The following TTC34 variants were observed in gnomAD, a reference collection of about 807,000 sequenced individuals.
TTC34 encodes the protein tetratricopeptide repeat protein 34.
Under a neutral mutation model 40.7 loss-of-function variants are expected in TTC34, and 44 were observed. The observed-to-expected ratio is 1.08, with a 90% CI of 0.85 to 1.39. TTC34 has a LOEUF of 1.39. Ranked by LOEUF, TTC34 falls within the 40% of genes most tolerant of loss-of-function variation. TTC34 has a pLI of 0.00. For synonymous variants in TTC34, 422 were observed against 398.6 expected, an observed-to-expected ratio of 1.06 and a Z score of -0.70; for missense variants, 884 against 838.0, an observed-to-expected ratio of 1.05 and a Z score of -0.68.
chr1:2,638,278 C>T (rs946105052), exon 9 of TTC34: 1 of 152,084 alleles, frequency 6.6e-6, no homozygotes, highest in Non-Finnish European at 1.5e-5. Context: ...ACCTGGGAAC[C>T]GTGTGGGAAT....
intron 2 of TTC34, among the ~76,000 whole-genome samples, chr1:2,794,031 T>C (rs980417968): frequency 1.3e-5 from 2 of 152,096 alleles, no homozygotes; most frequent in Non-Finnish European, 2.9e-5. Context: ...CAATGTTTGC[T>C]GTTGCCCAGG....
exon 3 of TTC34, chr1:2,789,998 G>A (rs1643644387): frequency 2.5e-6 from 1 of 393,518 alleles, no homozygotes; most frequent in South Asian, 1.3e-4. Flanking sequence ...CAGGCACTCG[G>A]CGAGGCGGGC....
chr1:2,656,359 T>C (rs1185109960), intron 6 of TTC34, among the ~76,000 whole-genome samples: 1 of 141,926 alleles, frequency 7.0e-6, no homozygotes, highest in African/African-American at 2.7e-5. Context: ...TCTGACAGCC[T>C]GGAACAGCAC....
intron 6 of TTC34, among the ~76,000 whole-genome samples, chr1:2,758,855 C>A (rs1641596608): frequency 8.3e-5 from 3 of 36,344 alleles, no homozygotes; most frequent in Non-Finnish European, 1.4e-4. Flanking sequence ...GAGCATCTGA[C>A]AACCTGGAAC....
At chr1:2,791,596 A>G (rs555225764) in intron 2 of TTC34, among the ~76,000 whole-genome samples, 1 of 152,316 alleles carries the variant, frequency 6.6e-6, no homozygotes, top group African/African-American at 2.4e-5. Context: ...GAGACTAGCC[A>G]TGCAAGCAGC....
At chr1:2,789,445 T>C in intron 3 of TTC34, 58 bp downstream of exon 3, 1 of 1,448,442 alleles carries the variant, frequency 6.9e-7, no homozygotes, top group Admixed American at 2.2e-5. Flanking sequence ...CATCCGTCGC[T>C]ACCTCGAAGG....
At chr1:2,649,910 C>G (rs368964840) in intron 6 of TTC34, among the ~76,000 whole-genome samples, 1,971 of 149,162 alleles carry the variant, frequency 0.013, 18 homozygotes, top group Admixed American at 0.022. Flanking sequence ...TTCTGACAGC[C>G]TGGAATGGCA....
At chr1:2,688,099 C>T (rs990548591) in intron 6 of TTC34, among the ~76,000 whole-genome samples, 3 of 152,266 alleles carry the variant, frequency 2.0e-5, no homozygotes, top group Admixed American at 1.3e-4. Flanking sequence ...CCCAGGTGCG[C>T]ACGTGACAGC....
rs1639011593 is a variant in TTC34 at position 2,645,893 on chromosome 1, G to A, written c.2227-330C>T. Among the ~76,000 whole-genome samples, 1 of 152,054 alleles carries A rather than the reference G, an allele frequency of 6.6e-6. No homozygotes were observed. The highest frequency in any genetic ancestry group is 6.6e-5 in the Admixed American group (1 of 15,266). ...CCTGCGGTCTGTGAGCCCTCCCTGG[G>A]TCCCTCGCTCTCCCAGCTTGTAGCT... On this transcript the variant is annotated intron_variant, in intron 6 of 8. Transcript: ENST00000401095. This position sits in a 1 kb window ranked among gnomAD's most constrained non-coding sequence, Gnocchi z 4.7.
intron 6 of TTC34, among the ~76,000 whole-genome samples, chr1:2,777,873 C>A (rs1438386253): frequency 6.6e-6 from 1 of 152,198 alleles, no homozygotes; most frequent in African/African-American, 2.4e-5. Context: ...TCCTGTGGTA[C>A]CCCTTGGAGG....
chr1:2,753,291 T>C (rs1641387736), intron 6 of TTC34, among the ~76,000 whole-genome samples: 3 of 67,874 alleles, frequency 4.4e-5, no homozygotes, highest in African/African-American at 7.4e-5. Context: ...AACAGCACCC[T>C]GCACACCCAG....
intron 6 of TTC34, among the ~76,000 whole-genome samples, chr1:2,655,536 C>G (rs57962497): frequency 6.7e-6 from 1 of 148,742 alleles, no homozygotes; most frequent in Non-Finnish European, 1.5e-5. Flanking sequence ...ACGCACACCC[C>G]CAGTGAGCAT....
chr1:2,690,495 C>T (rs1320089979), intron 6 of TTC34, among the ~76,000 whole-genome samples: 1 of 126,256 alleles, frequency 7.9e-6, no homozygotes, highest in African/African-American at 2.8e-5. Flanking sequence ...CAGCATCACC[C>T]GCACGCACAG....
chr1:2,767,880 C>T (rs1447417349), intron 6 of TTC34, among the ~76,000 whole-genome samples: 1 of 149,224 alleles, frequency 6.7e-6, no homozygotes, highest in East Asian at 2.0e-4. Flanking sequence ...TGAAACAGCA[C>T]CCTCCACCAC....
At chr1:2,783,421 A>C (rs1258240220) in intron 6 of TTC34, among the ~76,000 whole-genome samples, 188 bp downstream of exon 6, 1 of 152,196 alleles carries the variant, frequency 6.6e-6, no homozygotes, top group Non-Finnish European at 1.5e-5. Flanking sequence ...GACTCCCAGA[A>C]ACTGGGTTTG....
At chr1:2,656,291 C>CT (rs1639341536) in intron 6 of TTC34, among the ~76,000 whole-genome samples, 2 of 150,948 alleles carry the variant, frequency 1.3e-5, no homozygotes, top group African/African-American at 4.9e-5. Flanking sequence ...GAAGAGCACC[C>CT]ACACCCCCAG....
chr1:2,757,988 C>CT (rs1641562939), intron 6 of TTC34, among the ~76,000 whole-genome samples: 5 of 147,584 alleles, frequency 3.4e-5, no homozygotes, highest in Non-Finnish European at 6.0e-5. Flanking sequence ...GAACAGCACC[C>CT]ACACCCCCAG....
intron 8 of TTC34, 102 bp downstream of exon 8, chr1:2,644,162 C>A: frequency 8.1e-7 from 1 of 1,232,750 alleles, no homozygotes; most frequent in Non-Finnish European, 1.1e-6. Flanking sequence ...TCAACCCAAC[C>A]GCAGAGAGTG....
chr1:2,773,375 C>T, intron 6 of TTC34, among the ~76,000 whole-genome samples: 1 of 103,548 alleles, frequency 9.7e-6, no homozygotes, highest in African/African-American at 3.3e-5. Flanking sequence ...GCAGCACCCA[C>T]ACCCCCAGGT....
Sources: allele counts gnomAD v4.1 joint callset (sites outside exome capture counted in the v4.1 genomes callset), GRCh38; gene constraint gnomAD v4.1.1; non-coding constraint Gnocchi (gnomAD v3.1); transcripts MANE v1.5; gene names NCBI Gene and HGNC (gene_info 2026-07-23, HGNC 2026-07-21).